The following CSMD1 variants were observed in gnomAD, a reference collection of about 807,000 sequenced individuals.
The protein encoded by CSMD1 is CUB and Sushi multiple domains 1.
In CSMD1, 213 loss-of-function variants were observed where a neutral mutation model predicts 417.5. The ratio of observed to expected loss-of-function variants is 0.51; its 90% CI spans 0.46 to 0.57. The LOEUF (loss-of-function observed/expected upper bound fraction) is 0.57. CSMD1 is among the 20% of genes least tolerant of loss of function. The pLI is 0.00. For missense variants in CSMD1, 6,923 were observed against 4,529.7 expected, an observed-to-expected ratio of 1.53 and a Z score of -15.17; for synonymous variants, 2,862 against 1,736.8, an observed-to-expected ratio of 1.65 and a Z score of -16.11.
intron 2 of CSMD1, among the ~76,000 whole-genome samples, chr8:4,559,016 G>A (rs544159652): frequency 2.0e-5 from 3 of 152,064 alleles, no homozygotes; most frequent in South Asian, 2.1e-4. Flanking sequence ...TACATTCATC[G>A]TAGAGTTCTT....
At chr8:4,677,587 T>C (rs1316641196) in intron 1 of CSMD1, among the ~76,000 whole-genome samples, 1 of 152,192 alleles carries the variant, frequency 6.6e-6, no homozygotes, top group Non-Finnish European at 1.5e-5. Flanking sequence ...AGTGCCTAAG[T>C]AATTTTTCTT....
At chr8:4,917,461 C>T (rs1388151436) in intron 1 of CSMD1, among the ~76,000 whole-genome samples, 2 of 152,054 alleles carry the variant, frequency 1.3e-5, no homozygotes, top group African/African-American at 4.8e-5. Flanking sequence ...GGTGAAACTC[C>T]ATCTCTACTA....
At chr8:3,636,055 A>G (rs780230555) in intron 7 of CSMD1, among the ~76,000 whole-genome samples, 1 of 147,562 alleles carries the variant, frequency 6.8e-6, no homozygotes, top group Non-Finnish European at 1.5e-5. Context: ...TCCTTACTCT[A>G]TAAGCTTTTT....
intron 8 of CSMD1, among the ~76,000 whole-genome samples, chr8:3,590,596 G>A (rs1003480212): frequency 1.8e-4 from 28 of 152,204 alleles, no homozygotes; most frequent in East Asian, 3.9e-4. Flanking sequence ...CCATAATTAC[G>A]ATCATGAAAC....
In CSMD1 at chr8:3,950,545, C is replaced by G. The variant is rs1323584415; in HGVS notation, c.818+47358G>C. ...GCCAGTTTTCTCAGCATGACAGAGC[C>G]TCAATACAAGCGTTCCGCTTGCCCA... On this transcript the variant is annotated intron_variant, in intron 5 of 69. Coordinates refer to ENST00000635120, the MANE Select transcript of CSMD1 (RefSeq NM_033225.6). Among the ~76,000 whole-genome samples, 4 of 152,236 alleles carry G rather than the reference C, an allele frequency of 2.6e-5. No individual in the cohort carries two copies. The East Asian group carries it at 7.7e-4, about 29-fold the overall frequency.
At chr8:4,929,776 T>A (rs916885262) in intron 1 of CSMD1, among the ~76,000 whole-genome samples, 1 of 152,172 alleles carries the variant, frequency 6.6e-6, no homozygotes, top group Admixed American at 6.6e-5. Context: ...CCACAGGAGA[T>A]GATGGTGGGA....
intron 2 of CSMD1, among the ~76,000 whole-genome samples, chr8:4,452,783 G>C (rs1041791529): frequency 1.3e-5 from 2 of 151,784 alleles, no homozygotes; most frequent in Non-Finnish European, 2.9e-5. Flanking sequence ...ATCCAATAAA[G>C]TTTATTGGAT....
chr8:4,986,975 A>G (rs1811210363), intron 1 of CSMD1, among the ~76,000 whole-genome samples: 1 of 152,196 alleles, frequency 6.6e-6, no homozygotes, highest in African/African-American at 2.4e-5. Flanking sequence ...TATAATACAT[A>G]GATAATGTTT....
intron 3 of CSMD1, among the ~76,000 whole-genome samples, chr8:4,250,280 A>G (rs150465778): frequency 2.0e-5 from 3 of 152,316 alleles, no homozygotes; most frequent in African/African-American, 7.2e-5. Context: ...AGTGATATAA[A>G]TAGCCCAGCT....
intron 41 of CSMD1, among the ~76,000 whole-genome samples, chr8:3,139,432 G>A (rs559304239): frequency 1.8e-4 from 28 of 152,296 alleles, no homozygotes; most frequent in African/African-American, 6.5e-4. Context: ...GGCGTCAAGA[G>A]AAATGGTAGC....
chr8:4,585,042 AT>A (rs200796161), intron 2 of CSMD1, among the ~76,000 whole-genome samples: 3 of 151,954 alleles, frequency 2.0e-5, no homozygotes, highest in South Asian at 2.1e-4. Context: ...AAGATTCTAT[AT>A]TTTAAAAAAA....
At chr8:3,706,172 C>G (rs1801157661) in intron 7 of CSMD1, among the ~76,000 whole-genome samples, 2 of 152,218 alleles carry the variant, frequency 1.3e-5, no homozygotes, top group Admixed American at 6.5e-5. Context: ...GAACAGAATG[C>G]CCACTGCATG....
intron 3 of CSMD1, among the ~76,000 whole-genome samples, chr8:4,316,755 C>A (rs748715985): frequency 7.2e-5 from 11 of 152,124 alleles, no homozygotes; most frequent in Non-Finnish European, 1.0e-4. Flanking sequence ...AGTGGTCGAA[C>A]GCCCCCAAAA....
chr8:4,185,807 T>C (rs542595041), intron 3 of CSMD1, among the ~76,000 whole-genome samples: 15 of 152,314 alleles, frequency 9.8e-5, no homozygotes, highest in South Asian at 6.2e-4. Context: ...GCAGACCCAG[T>C]GCCAGAGTCA....
intron 3 of CSMD1, among the ~76,000 whole-genome samples, chr8:4,103,183 A>C (rs1319329974): frequency 6.6e-6 from 1 of 152,074 alleles, no homozygotes; most frequent in East Asian, 1.9e-4. Context: ...AAAACCAGTA[A>C]CAGCAACATT....
At chr8:4,956,246 T>C (rs1250405854) in intron 1 of CSMD1, among the ~76,000 whole-genome samples, 1 of 132,820 alleles carries the variant, frequency 7.5e-6, no homozygotes, top group East Asian at 1.9e-4. Flanking sequence ...CCTTACTCGC[T>C]ATTTTTTTTT....
chr8:4,417,591 G>C (rs548494414), intron 3 of CSMD1, among the ~76,000 whole-genome samples: 4 of 151,936 alleles, frequency 2.6e-5, no homozygotes, highest in East Asian at 3.9e-4. Flanking sequence ...ATACGTCTTG[G>C]ATTATACATC....
At chr8:4,081,609 A>C (rs1421117981) in intron 3 of CSMD1, among the ~76,000 whole-genome samples, 5 of 152,142 alleles carry the variant, frequency 3.3e-5, no homozygotes, top group South Asian at 2.1e-4. Flanking sequence ...AGAATACATA[A>C]ATTTTTTGAA....
At chr8:4,269,028 T>C (rs1038457837) in intron 3 of CSMD1, among the ~76,000 whole-genome samples, 6 of 152,184 alleles carry the variant, frequency 3.9e-5, no homozygotes, top group Admixed American at 1.3e-4. Context: ...CACAATGAGG[T>C]GCATTTTCCA....
Sources: allele counts gnomAD v4.1 joint callset (sites outside exome capture counted in the v4.1 genomes callset), GRCh38; gene constraint gnomAD v4.1.1; transcripts MANE v1.5; gene names NCBI Gene and HGNC (gene_info 2026-07-23, HGNC 2026-07-21).